CA7: variants seen among roughly 807,000 people sequenced by gnomAD.
CA7 encodes carbonic anhydrase 7.
CA7 carries 13 observed loss-of-function variants against 31.4 expected under a neutral mutation model. The observed-to-expected ratio is 0.41, with a 90% CI of 0.27 to 0.66. The LOEUF (loss-of-function observed/expected upper bound fraction) is 0.66. Among genes scored for constraint, CA7 ranks in the 30% least tolerant of loss-of-function variants. The pLI, the probability that CA7 is intolerant of heterozygous loss-of-function variation, is 0.28. For synonymous variants in CA7, 128 were observed against 133.2 expected, an observed-to-expected ratio of 0.96 and a Z score of 0.27; for missense variants, 215 against 351.0, an observed-to-expected ratio of 0.61 and a Z score of 3.10.
rs1036702362 is a variant in CA7, at chr16:66,844,429, G to T, written c.-59G>T. ...GGTAGCGAGCGGGGCCGGAGCCGCA[G>T]CCCGAACGAGCGGACCGAGCCGACC... On this transcript the variant is annotated 5_prime_UTR_variant, in exon 1 of 7. Transcript: ENST00000338437. 6.3e-5 allele frequency: 91 copies of T among 1,454,318 alleles called. No homozygotes were observed. Among genetic ancestry groups the T allele is most frequent in the Non-Finnish European group, 8.2e-5 (89 of 1,080,404 alleles). 90.1% of individuals were successfully genotyped at this position (1,454,318 alleles called of 1,614,324 possible).
chr16:66,852,496 G>C (rs565391830), intron 5 of CA7, among the ~76,000 whole-genome samples: 2 of 139,728 alleles, frequency 1.4e-5, no homozygotes, highest in Non-Finnish European at 3.1e-5. Context: ...AAGAAAGAAA[G>C]AGAGAGAGAG....
Position 66,852,807 on chromosome 16 carries a change from A to C in CA7, c.612A>C (p.Pro204=), listed in dbSNP as rs1454923479. The C allele has an allele frequency of 1.9e-6, 3 of 1,613,674 alleles. No homozygotes were observed. Among genetic ancestry groups the C allele is most frequent in the African/African-American group, 2.7e-5 (2 of 74,800 alleles). The change falls in exon 6 of 7, where the codon CCA becomes CCC. Residue 204 remains proline (P), a synonymous_variant. Transcript: ENST00000338437. The part of the protein sequence containing the change: ...WTYPGSLTTP[P]LSESVTWIVL... ...ACCCGGGCTCTCTGACGACTCCCCC[A>C]CTCAGTGAGAGTGTCACCTGGATTG...
chr16:66,846,819 G>A (rs1266490276), intron 1 of CA7, among the ~76,000 whole-genome samples: 6 of 152,182 alleles, frequency 3.9e-5, no homozygotes, highest in Admixed American at 3.3e-4. Flanking sequence ...GCACTGGAAG[G>A]TGAGTTTTAG....
intron 1 of CA7, chr16:66,845,196 G>A: frequency 1.0e-6 from 1 of 985,532 alleles, no homozygotes; most frequent in Non-Finnish European, 1.2e-6. Flanking sequence ...TCCTGCCTCA[G>A]TTTCCTTAGG....
chr16:66,851,116 C>T (rs1961039086), intron 3 of CA7, among the ~76,000 whole-genome samples: 1 of 152,236 alleles, frequency 6.6e-6, no homozygotes, highest in Non-Finnish European at 1.5e-5. Context: ...CTCTGATAAC[C>T]CTCTGCTTAT....
chr16:66,849,478 G>A (rs1960993954), intron 2 of CA7, among the ~76,000 whole-genome samples: 1 of 152,206 alleles, frequency 6.6e-6, no homozygotes, highest in South Asian at 2.1e-4. Flanking sequence ...GTGTGACCTT[G>A]AGCAAATGCC....
intron 3 of CA7, 84 bp from the exon 4 acceptor site, chr16:66,851,379 G>A (rs926067991): frequency 2.7e-6 from 3 of 1,105,490 alleles, no homozygotes; most frequent in Non-Finnish European, 4.2e-6. Context: ...GAGGCCAGGG[G>A]TCTGGTGGGA....
intron 1 of CA7, chr16:66,845,054 G>A: frequency 1.0e-6 from 1 of 986,002 alleles, no homozygotes; most frequent in Non-Finnish European, 1.2e-6. Flanking sequence ...TGAGGGAAGG[G>A]GGCACTTGGG....
chr16:66,851,662 A>C lies in CA7; in HGVS notation c.454-2A>C, dbSNP rs1487286726. ...GGGCTCACACTGCCCTCTCCCTGAC[A>C]GACAGGAGACGAGCACCCCAGCATG... On this transcript the variant is annotated splice_acceptor_variant, in intron 4 of 6. Transcript: ENST00000338437. LOFTEE classifies it high-confidence loss of function. 6.2e-7 allele frequency: 1 copy of C among 1,614,170 alleles called. No individual in the cohort carries two copies. Among genetic ancestry groups the C allele is most frequent in the Non-Finnish European group, 8.5e-7 (1 of 1,180,022 alleles).
intron 1 of CA7, chr16:66,844,954 G>C: frequency 1.4e-5 from 14 of 1,002,446 alleles, no homozygotes; most frequent in South Asian, 4.6e-5. Flanking sequence ...GGGGACCTCG[G>C]GGGAGCGGGG....
chr16:66,851,849 T>G, intron 5 of CA7, 123 bp downstream of exon 5: 1 of 849,510 alleles, frequency 1.2e-6, no homozygotes, highest in Non-Finnish European at 2.0e-6. Flanking sequence ...AGGAGGAGGG[T>G]CAGCATCAGC....
At chr16:66,850,696 T>G (rs920244426) in intron 3 of CA7, 37 bp downstream of exon 3, 5 of 1,439,894 alleles carry the variant, frequency 3.5e-6, no homozygotes, top group Admixed American at 1.7e-5. Flanking sequence ...CTCTGCTACA[T>G]GGGAAGGAAC....
chr16:66,845,927 G>T (rs115113729), intron 1 of CA7, among the ~76,000 whole-genome samples: 1 of 152,174 alleles, frequency 6.6e-6, no homozygotes, highest in Non-Finnish European at 1.5e-5. Flanking sequence ...TGTTCACAGG[G>T]CTTCAAAAAT....
At chr16:66,851,772 A>T (rs765508892) in intron 5 of CA7, 46 bp downstream of exon 5, 5 of 1,559,906 alleles carry the variant, frequency 3.2e-6, no homozygotes, top group Non-Finnish European at 3.5e-6. Flanking sequence ...GGGAGAGAGG[A>T]AGAGGCTGGC....
chr16:66,848,312 C>G (rs1190321917), intron 2 of CA7, among the ~76,000 whole-genome samples: 1 of 152,176 alleles, frequency 6.6e-6, no homozygotes, highest in Non-Finnish European at 1.5e-5. Context: ...TAAGAAAAGC[C>G]TCTTACTCAG....
chr16:66,850,027 GGA>G (rs567968848), intron 2 of CA7, among the ~76,000 whole-genome samples: 30 of 151,190 alleles, frequency 2.0e-4, no homozygotes, highest in Non-Finnish European at 3.8e-4. Context: ...GGCTGAGGCA[GGA>G]GAAATGCTTG....
chr16:66,851,673 G>A lies in CA7; in HGVS notation c.463G>A (p.Glu155Lys), dbSNP rs775071324. ...VVGVFLETGDEHPSMNRLTDA... is the reference protein window; with the variant it reads ...VVGVFLETGDKHPSMNRLTDA... ...GCCCTCTCCCTGACAGACAGGAGACGAGCACCCCAGCATGAATCGTCTGAC... is the reference window on the plus strand; with the variant it reads ...GCCCTCTCCCTGACAGACAGGAGACAAGCACCCCAGCATGAATCGTCTGAC... Residue 155 changes from glutamate (E) to lysine (K), a missense_variant, in exon 5 of 7, where the codon GAG becomes AAG. Coordinates refer to ENST00000338437, the MANE Select transcript of CA7 (RefSeq NM_005182.3). 3.7e-6 allele frequency: 6 copies of A among 1,614,140 alleles called. No homozygotes were observed. The highest frequency in any genetic ancestry group is 5.1e-6 in the Non-Finnish European group (6 of 1,180,014).
Position 66,845,178 on chromosome 16 carries a change from C to T in CA7, c.40+651C>T. 2 of 985,578 alleles carry T rather than the reference C, an allele frequency of 2.0e-6. 1 individual carries two copies. The allele number at this position is 985,578 out of a possible 1,614,324, so 61.1% of individuals were successfully genotyped here. On this transcript the variant is annotated intron_variant, in intron 1 of 6. Coordinates refer to ENST00000338437, the MANE Select transcript of CA7 (RefSeq NM_005182.3). ...CCTCCTGGGCTGACGCGGAAGAGAG[C>T]TCCTTCATCCTGCCTCAGTTTCCTT...
In CA7 at chr16:66,851,648, G is replaced by GC; in HGVS notation, c.454-13dup. On this transcript the variant is annotated splice_polypyrimidine_tract_variant and intron_variant, in intron 4 of 6. Coordinates refer to ENST00000338437, the MANE Select transcript of CA7 (RefSeq NM_005182.3). ...ACACAGTGGGCTCTGGGCTCACACT[G>GC]CCCTCTCCCTGACAGACAGGAGACG... 2 of 1,614,012 alleles carry GC rather than the reference G, an allele frequency of 1.2e-6. No homozygotes were observed. The highest frequency in any genetic ancestry group is 1.7e-6 in the Non-Finnish European group (2 of 1,179,894).
Sources: gnomAD v4.1 joint callset for allele counts (sites outside exome capture counted in the v4.1 genomes callset) on GRCh38, gnomAD v4.1.1 for gene constraint, MANE v1.5 for transcripts, NCBI Gene and HGNC (gene_info 2026-07-23, HGNC 2026-07-21) for gene names.